The following PDZRN3 variants were observed in gnomAD, a reference collection of about 807,000 sequenced individuals.
PDZRN3 encodes the protein PDZ domain containing ring finger 3, also known as E3 ubiquitin-protein ligase PDZRN3.
A neutral mutation model predicts 85.7 loss-of-function variants in PDZRN3; 38 were observed. The ratio of observed to expected loss-of-function variants is 0.44; its 90% CI spans 0.34 to 0.58. The LOEUF (loss-of-function observed/expected upper bound fraction) is 0.58. PDZRN3 is among the 20% of genes least tolerant of loss of function. PDZRN3 has a pLI of 0.01. For missense variants in PDZRN3, 1,629 were observed against 1,506.4 expected (o/e 1.08, Z -1.35); for synonymous variants, 759 against 638.0 (o/e 1.19, Z -2.86).
chr3:73,563,002 TATATATA>T (rs1701859618), intron 3 of PDZRN3, among the ~76,000 whole-genome samples: 7 of 35,978 alleles, frequency 1.9e-4, no homozygotes, highest in African/African-American at 7.6e-4. Context: ...TATATATATA[TATATATA>T]TATATTTTTT....
At chr3:73,442,843 G>A (rs1702668390) in intron 3 of PDZRN3, among the ~76,000 whole-genome samples, 1 of 152,122 alleles carries the variant, frequency 6.6e-6, no homozygotes, top group East Asian at 1.9e-4. Flanking sequence ...GCTCCTCCCA[G>A]GCCTCTTCAC....
chr3:73,588,787 T>A (rs114351262), intron 3 of PDZRN3, among the ~76,000 whole-genome samples: 206 of 152,352 alleles, frequency 1.4e-3, no homozygotes, highest in African/African-American at 4.7e-3. Flanking sequence ...TTAAGAATAA[T>A]GTTGAGCATT....
chr3:73,469,037 CAAAT>C (rs1311375930), intron 3 of PDZRN3, among the ~76,000 whole-genome samples: 1 of 151,708 alleles, frequency 6.6e-6, no homozygotes, highest in East Asian at 1.9e-4. Context: ...CTGATGCTAC[CAAAT>C]ATCTATTTTA....
chr3:73,433,048 C>T (rs904216049), intron 3 of PDZRN3, among the ~76,000 whole-genome samples: 5 of 152,142 alleles, frequency 3.3e-5, no homozygotes, highest in African/African-American at 1.2e-4. Flanking sequence ...TCAGAAGATA[C>T]AAGTCATCTG....
intron 3 of PDZRN3, among the ~76,000 whole-genome samples, chr3:73,515,025 A>T (rs1027185279): frequency 6.6e-6 from 1 of 152,166 alleles, no homozygotes; most frequent in Non-Finnish European, 1.5e-5. Flanking sequence ...ACTGTTTTCT[A>T]ACATGAATAA....
At chr3:73,480,339 A>G (rs1262411796) in intron 3 of PDZRN3, among the ~76,000 whole-genome samples, 2 of 152,130 alleles carry the variant, frequency 1.3e-5, no homozygotes, top group Admixed American at 1.3e-4. Flanking sequence ...TTGACCCTCC[A>G]TATTCTGAAG....
intron 3 of PDZRN3, among the ~76,000 whole-genome samples, chr3:73,426,313 C>G (rs558252141): frequency 3.9e-5 from 6 of 151,946 alleles, no homozygotes; most frequent in Non-Finnish European, 5.9e-5. Flanking sequence ...GTGTGCAACA[C>G]AAACTGAATA....
intron 3 of PDZRN3, among the ~76,000 whole-genome samples, chr3:73,507,397 T>C (rs950967154): frequency 6.6e-6 from 1 of 152,182 alleles, no homozygotes; most frequent in African/African-American, 2.4e-5. Context: ...TCTCAACTCC[T>C]GACCTCAGGT....
chr3:73,403,205 C>T (rs534891782), intron 4 of PDZRN3, among the ~76,000 whole-genome samples: 17 of 152,300 alleles, frequency 1.1e-4, no homozygotes, highest in Non-Finnish European at 2.1e-4. Flanking sequence ...CTCGGCCTCC[C>T]GAAGTGCTGG....
intron 3 of PDZRN3, among the ~76,000 whole-genome samples, chr3:73,521,991 G>A (rs189722559): frequency 1.7e-4 from 26 of 152,282 alleles, no homozygotes; most frequent in African/African-American, 6.3e-4. Flanking sequence ...GTTTCTGTAA[G>A]GCTTATAAGC....
chr3:73,404,127 G>A (rs1299608960), intron 4 of PDZRN3, 21 bp downstream of exon 4: 1 of 1,608,106 alleles, frequency 6.2e-7, no homozygotes, highest in Non-Finnish European at 8.5e-7. Context: ...TGCATTAGGG[G>A]TTCAAGATTA....
At chr3:73,610,218 A>C (rs1199779341) in intron 1 of PDZRN3, among the ~76,000 whole-genome samples, 14 of 152,250 alleles carry the variant, frequency 9.2e-5, no homozygotes, top group Non-Finnish European at 2.1e-4. Context: ...ACAACACAGC[A>C]TTCATTTCTT....
At chr3:73,501,911 G>C (rs1460120205) in intron 3 of PDZRN3, among the ~76,000 whole-genome samples, 1 of 152,202 alleles carries the variant, frequency 6.6e-6, no homozygotes, top group East Asian at 1.9e-4. Context: ...AGCTACTCAG[G>C]AGGCTGAGGC....
rs578124817 is a variant in PDZRN3 at position 73,500,451 on chromosome 3, A to G, written c.919-96056T>C. On this transcript the variant is annotated intron_variant, in intron 3 of 9. Transcript: ENST00000263666. ...CCCTCTCCAACCCCATTTCCACATG[A>G]GCTCTGCCACATTTCACTTTGGGCC... Among the ~76,000 whole-genome samples, 3 of 152,204 alleles carry G rather than the reference A, an allele frequency of 2.0e-5. No individual in the cohort carries two copies. In the East Asian group the frequency reaches 5.8e-4, roughly 29 times the overall value.
chr3:73,576,867 G>A (rs1353958420), intron 3 of PDZRN3, among the ~76,000 whole-genome samples: 2 of 151,978 alleles, frequency 1.3e-5, no homozygotes, highest in African/African-American at 4.8e-5. Context: ...GAGAAACAAT[G>A]AGACTAAATT....
At chr3:73,468,066 C>T (rs966783087) in intron 3 of PDZRN3, among the ~76,000 whole-genome samples, 1 of 151,878 alleles carries the variant, frequency 6.6e-6, no homozygotes, top group African/African-American at 2.4e-5. Context: ...CACTGCACAC[C>T]TAAATATGGT....
At chr3:73,553,935 A>G (rs551213064) in intron 3 of PDZRN3, among the ~76,000 whole-genome samples, 12 of 152,246 alleles carry the variant, frequency 7.9e-5, no homozygotes, top group Admixed American at 1.3e-4. Context: ...ATAAGGACTC[A>G]TGGAAACAAG....
intron 1 of PDZRN3, among the ~76,000 whole-genome samples, chr3:73,623,250 A>G (rs1702895522): frequency 6.6e-6 from 1 of 152,214 alleles, no homozygotes; most frequent in South Asian, 2.1e-4. Flanking sequence ...AACCTTTCGC[A>G]CTGAGGGAAA....
At chr3:73,438,594 G>A (rs1702575186) in intron 3 of PDZRN3, among the ~76,000 whole-genome samples, 1 of 152,216 alleles carries the variant, frequency 6.6e-6, no homozygotes. Context: ...GCACCGGCCA[G>A]TCACGGGATA....
Sources: gnomAD v4.1 joint callset for allele counts (sites outside exome capture counted in the v4.1 genomes callset) on GRCh38, gnomAD v4.1.1 for gene constraint, MANE v1.5 for transcripts, NCBI Gene and HGNC (gene_info 2026-07-23, HGNC 2026-07-21) for gene names.